Variants in SLC4A4 observed in about 807,000 individuals in gnomAD.
The protein encoded by SLC4A4 is solute carrier family 4 member 4, also known as electrogenic sodium bicarbonate cotransporter 1.
SLC4A4 carries 27 observed loss-of-function variants against 111.5 expected under a neutral mutation model. The observed-to-expected ratio is 0.24, with a 90% CI of 0.18 to 0.33. SLC4A4 has a LOEUF of 0.33. Among genes scored for constraint, SLC4A4 ranks in the 10% least tolerant of loss-of-function variants. The pLI is 1.00. For synonymous variants in SLC4A4, 443 were observed against 463.4 expected, an observed-to-expected ratio of 0.96 and a Z score of 0.57; for missense variants, 909 against 1,315.5, an observed-to-expected ratio of 0.69 and a Z score of 4.78.
intron 19 of SLC4A4, 46 bp downstream of exon 19, chr4:71,546,574 C>T: frequency 2.7e-6 from 4 of 1,504,032 alleles, no homozygotes; most frequent in Non-Finnish European, 3.7e-6. Context: ...ACACTGTGCA[C>T]ACATCTATGT....
At chr4:71,387,234 A>G (rs1273778610) in intron 6 of SLC4A4, among the ~76,000 whole-genome samples, 1 of 152,082 alleles carries the variant, frequency 6.6e-6, no homozygotes, top group South Asian at 2.1e-4. Context: ...GGAGTTTTAC[A>G]CTGACATTTC....
intron 2 of SLC4A4, among the ~76,000 whole-genome samples, chr4:71,094,019 A>G (rs1578473269): frequency 8.2e-6 from 1 of 122,618 alleles, no homozygotes; most frequent in East Asian, 2.1e-4. Flanking sequence ...CCAGACTGTT[A>G]AAAAAAAAAG....
chr4:71,158,762 C>T (rs986786161), intron 2 of SLC4A4, among the ~76,000 whole-genome samples: 2 of 152,102 alleles, frequency 1.3e-5, no homozygotes, highest in South Asian at 2.1e-4. Flanking sequence ...TCATTGTGTT[C>T]GTGTTCTGGG....
chr4:71,236,355 C>A, intron 1 of SLC4A4: 1 of 904,200 alleles, frequency 1.1e-6, no homozygotes, highest in Non-Finnish European at 1.5e-6. Context: ...TATGTGGGTG[C>A]CCTCTCAAGG....
In SLC4A4 at chr4:71,563,827, T is replaced by A; in HGVS notation, c.3134T>A (p.Ile1045Asn). The stretch of plus-strand genomic sequence containing the variant: ...CCATACTCAGAAAAAGTTCCAAGTA[T>A]TAAAATTCCAATGGACATCATGGAA... ...DCPYSEKVPS[I>N]KIPMDIMEQQ... The change falls in exon 24 of 26, where the codon ATT becomes AAT. Residue 1045 changes from isoleucine (I) to asparagine (N), a missense_variant. Around this residue, in one of 7 missense-constraint regions of SLC4A4, gnomAD observed 85 missense variants for 79.8 expected, o/e 1.07. Transcript: ENST00000264485. 6.2e-7 allele frequency: 1 copy of A among 1,611,606 alleles called. No homozygotes were observed. Among genetic ancestry groups the A allele is most frequent in the South Asian group, 1.1e-5 (1 of 91,024 alleles).
At chr4:71,167,938 T>A in intron 2 of SLC4A4, among the ~76,000 whole-genome samples, 1 of 152,192 alleles carries the variant, frequency 6.6e-6, no homozygotes, top group Non-Finnish European at 1.5e-5. Flanking sequence ...TAGTCTGTTT[T>A]GTGCTGCTAA....
intron 2 of SLC4A4, among the ~76,000 whole-genome samples, chr4:71,113,701 G>A (rs1389638554): frequency 4.6e-5 from 7 of 152,144 alleles, no homozygotes; most frequent in Admixed American, 1.3e-4. Flanking sequence ...GAGATTCACC[G>A]GGTTAGGGGT....
chr4:71,148,445 T>A (rs1028854146), intron 2 of SLC4A4, among the ~76,000 whole-genome samples: 1 of 152,182 alleles, frequency 6.6e-6, no homozygotes, highest in African/African-American at 2.4e-5. Flanking sequence ...GTTTGTTATA[T>A]AGGTAAACTT....
chr4:71,415,767 C>T (rs1308169230), intron 7 of SLC4A4, among the ~76,000 whole-genome samples: 1 of 152,168 alleles, frequency 6.6e-6, no homozygotes, highest in Non-Finnish European at 1.5e-5. Context: ...CTTATACATT[C>T]TGCCTTTTAA....
At chr4:71,462,674 G>A (rs1460315886) in intron 12 of SLC4A4, among the ~76,000 whole-genome samples, 1 of 152,058 alleles carries the variant, frequency 6.6e-6, no homozygotes. Context: ...CTCCCAAAGT[G>A]CTGGGATTAC....
At chr4:71,387,870 T>C (rs1027686294) in intron 6 of SLC4A4, among the ~76,000 whole-genome samples, 4 of 152,106 alleles carry the variant, frequency 2.6e-5, no homozygotes, top group African/African-American at 9.7e-5. Context: ...TTTTCCTATG[T>C]CTTGGAGCTG....
At chr4:71,248,974 A>G (rs1206477290) in intron 2 of SLC4A4, among the ~76,000 whole-genome samples, 1 of 152,198 alleles carries the variant, frequency 6.6e-6, no homozygotes, top group Non-Finnish European at 1.5e-5. Context: ...TTTATTCTGT[A>G]GCTCTTAGTT....
chr4:71,469,458 G>C (rs541328143), intron 13 of SLC4A4, among the ~76,000 whole-genome samples: 10 of 151,794 alleles, frequency 6.6e-5, no homozygotes, highest in Non-Finnish European at 1.5e-4. Context: ...AGTTTGTCTT[G>C]TATCCTTGGT....
chr4:71,317,615 A>G (rs1402484284), intron 3 of SLC4A4, among the ~76,000 whole-genome samples: 2 of 152,136 alleles, frequency 1.3e-5, no homozygotes, highest in African/African-American at 2.4e-5. Context: ...CTCATTTTCA[A>G]AGAGTTCAAA....
chr4:71,129,075 T>G (rs553355158), intron 2 of SLC4A4, among the ~76,000 whole-genome samples: 1 of 152,212 alleles, frequency 6.6e-6, no homozygotes, highest in African/African-American at 2.4e-5. Flanking sequence ...ATGAAGAAGA[T>G]GCCAAAAGCA....
chr4:71,373,281 G>C (rs1255591175), intron 6 of SLC4A4, among the ~76,000 whole-genome samples: 1 of 152,194 alleles, frequency 6.6e-6, no homozygotes, highest in Non-Finnish European at 1.5e-5. Flanking sequence ...GTAGGGGGCA[G>C]ACTGGTTTGT....
intron 1 of SLC4A4, among the ~76,000 whole-genome samples, chr4:71,187,691 G>A (rs1745544789): frequency 6.6e-6 from 1 of 152,210 alleles, no homozygotes; most frequent in African/African-American, 2.4e-5. Flanking sequence ...GCGCAACTGG[G>A]CGTCTTTACG....
chr4:71,418,448 A>T (rs1722018329), intron 7 of SLC4A4, among the ~76,000 whole-genome samples: 2 of 152,328 alleles, frequency 1.3e-5, no homozygotes, highest in South Asian at 4.1e-4. Flanking sequence ...TTCATATTTC[A>T]TACACACTGG....
intron 1 of SLC4A4, among the ~76,000 whole-genome samples, chr4:71,201,482 C>T (rs1466393070): frequency 3.3e-5 from 5 of 152,178 alleles, no homozygotes; most frequent in Non-Finnish European, 7.4e-5. Context: ...ATCTGGGCTG[C>T]ACAGCACAGC....
Sources: gnomAD v4.1 joint callset for allele counts (sites outside exome capture counted in the v4.1 genomes callset) on GRCh38, gnomAD v4.1.1 for gene constraint, gnomAD v4.1.1 regional missense constraint, MANE v1.5 for transcripts, NCBI Gene and HGNC (gene_info 2026-07-23, HGNC 2026-07-21) for gene names.